The following UNC5A variants were observed in gnomAD, a reference collection of about 807,000 sequenced individuals.
UNC5A encodes netrin receptor UNC5A.
In UNC5A, 20 loss-of-function variants were observed where a neutral mutation model predicts 87.4. The ratio of observed to expected loss-of-function variants is 0.23; its 90% confidence interval spans 0.16 to 0.33. The LOEUF is 0.33. UNC5A is among the 10% of genes least tolerant of loss of function. The pLI is 1.00. For missense variants in UNC5A, 844 were observed against 1,133.4 expected (o/e 0.74, Z 3.67); for synonymous variants, 438 against 482.3 (o/e 0.91, Z 1.20).
intron 1 of UNC5A, among the ~76,000 whole-genome samples, chr5:176,843,994 A>T (rs1757341837): frequency 6.6e-6 from 1 of 152,270 alleles, no homozygotes; most frequent in African/African-American, 2.4e-5. Context: ...AAAGTTTGTT[A>T]TGAATTATTC....
chr5:176,855,097 A>T (rs1381874972), intron 1 of UNC5A, among the ~76,000 whole-genome samples: 1 of 152,268 alleles, frequency 6.6e-6, no homozygotes, highest in Non-Finnish European at 1.5e-5. Context: ...CTGTGCCTCC[A>T]GGTCCATGGG....
rs920200200 is a variant in UNC5A at position 176,810,855 on chromosome 5, C to A, written c.70+35C>A. 18 of 1,218,424 alleles carry A rather than the reference C, an allele frequency of 1.5e-5. No homozygotes were observed. Among genetic ancestry groups the A allele is most frequent in the Non-Finnish European group, 1.7e-5 (17 of 978,968 alleles). The allele number at this position is 1,218,424 out of a possible 1,614,324, so 75.5% of individuals were successfully genotyped here. On this transcript the variant is annotated intron_variant, in intron 1 of 14. Transcript: ENST00000329542. This position sits in a 1 kb window ranked among gnomAD's most constrained non-coding sequence, Gnocchi z 7.3. The stretch of plus-strand genomic sequence containing the variant: ...GCCGCGCGCGCTCTGGGGAGGCTTG[C>A]GGGGGACCGTGCGCGCGAACGCTCG...
intron 1 of UNC5A, among the ~76,000 whole-genome samples, chr5:176,836,692 C>G (rs1757154642): frequency 6.6e-6 from 1 of 152,188 alleles, no homozygotes; most frequent in Admixed American, 6.5e-5. Context: ...GGCTCCTTCA[C>G]TATGCCCCAG....
rs1757279665 is a variant in UNC5A, at chr5:176,841,676, C to G, written c.71-20948C>G. On this transcript the variant is annotated intron_variant, in intron 1 of 14. Coordinates refer to ENST00000329542, the MANE Select transcript of UNC5A (RefSeq NM_133369.3). This position sits in a 1 kb window ranked among gnomAD's most constrained non-coding sequence, Gnocchi z 4.1. ...TACCATATGCCCCAGCAATCCCTCT[C>G]TCTAGAGAAGTCCCACTCCCAAGAG... Among the ~76,000 whole-genome samples, 1 of 152,232 alleles carries G rather than the reference C, an allele frequency of 6.6e-6. No individual in the cohort carries two copies. Among genetic ancestry groups the G allele is most frequent in the Admixed American group, 6.5e-5 (1 of 15,278 alleles).
chr5:176,834,770 C>T (rs1325621830), intron 1 of UNC5A, among the ~76,000 whole-genome samples: 4 of 151,696 alleles, frequency 2.6e-5, no homozygotes, highest in African/African-American at 7.3e-5. Context: ...TTCCCTGGGT[C>T]GCTGCAGGAG....
chr5:176,836,231 G>A (rs1757146170), intron 1 of UNC5A, among the ~76,000 whole-genome samples: 2 of 152,214 alleles, frequency 1.3e-5, no homozygotes, highest in Non-Finnish European at 2.9e-5. Context: ...GGCTGGACAT[G>A]ATGCGAAGGG....
Position 176,879,829 on chromosome 5 carries a change from GGCTGGACTGGGCCAGCCAGAC to G in UNC5A, c.2478_2498del (p.Gly828_Leu834del). The G allele has an allele frequency of 6.2e-7, 1 of 1,612,562 alleles. No homozygotes were observed. The highest frequency in any genetic ancestry group is 8.5e-7 in the Non-Finnish European group (1 of 1,179,804). On this transcript the variant is annotated inframe_deletion, in exon 15 of 15. Coordinates refer to ENST00000329542, the MANE Select transcript of UNC5A (RefSeq NM_133369.3). ...ACCTCAGCCAGCTGGCTGCAGCAGT[GGCTGGACTGGGCCAGCCAGAC>G]GCTGGCCTCTTCACAGTGTCGGAGG...
chr5:176,830,865 T>C (rs367885064), intron 1 of UNC5A, among the ~76,000 whole-genome samples: 18 of 146,580 alleles, frequency 1.2e-4, no homozygotes, highest in South Asian at 2.3e-4. Flanking sequence ...CGTGTGTGTG[T>C]GCGCTGGTGT....
At chr5:176,819,263 C>T (rs1561637973) in intron 1 of UNC5A, among the ~76,000 whole-genome samples, 1 of 152,178 alleles carries the variant, frequency 6.6e-6, no homozygotes, top group Non-Finnish European at 1.5e-5. Context: ...GCCTCCTCAG[C>T]CCTGGGAGCT....
chr5:176,841,231 A>T lies in UNC5A; in HGVS notation c.71-21393A>T, dbSNP rs1375713384. Reference sequence around the variant, plus strand: ...CTAATTTATTTCCTTTGAGCCACAGAGCTGCTCAGTGACACAGGTGATTGT... The same window carrying T: ...CTAATTTATTTCCTTTGAGCCACAGTGCTGCTCAGTGACACAGGTGATTGT... On this transcript the variant is annotated intron_variant, in intron 1 of 14. Coordinates refer to ENST00000329542, the MANE Select transcript of UNC5A (RefSeq NM_133369.3). The surrounding 1 kb of genome is among the most constrained non-coding windows in gnomAD (Gnocchi z 4.1). 6.6e-6 allele frequency among the ~76,000 whole-genome samples: 1 copy of T among 152,198 alleles called. No homozygotes were observed. Among genetic ancestry groups the T allele is most frequent in the Non-Finnish European group, 1.5e-5 (1 of 68,032 alleles).
intron 1 of UNC5A, among the ~76,000 whole-genome samples, chr5:176,858,772 A>AAGGAAGGAAGGAAGGCAGGCAGGC (rs1304121118): frequency 5.0e-5 from 7 of 140,224 alleles, no homozygotes; most frequent in African/African-American, 1.7e-4. Context: ...GGAAGGAAGG[A>AAGGAAGGAAGGAAGGCAGGCAGGC]AGGCAAGCAA....
At chr5:176,845,310 C>A (rs528508381) in intron 1 of UNC5A, among the ~76,000 whole-genome samples, 1 of 152,366 alleles carries the variant, frequency 6.6e-6, no homozygotes, top group South Asian at 2.1e-4. Context: ...TGCTTCCCCA[C>A]GCTCAGTGTC....
At position 176,824,021 on chromosome 5, in the gene UNC5A, C is replaced by G. The variant is rs1253792680; in HGVS notation, c.70+13201C>G. ...CCTCTCCCTGGAGAAAGCACCTGTC[C>G]CAGCTGGCGAATGGTCCCGGAGATC... On this transcript the variant is annotated intron_variant, in intron 1 of 14. Coordinates refer to ENST00000329542, the MANE Select transcript of UNC5A (RefSeq NM_133369.3). This position sits in a 1 kb window ranked among gnomAD's most constrained non-coding sequence, Gnocchi z 4.2. Among the ~76,000 whole-genome samples the G allele has an allele frequency of 6.6e-6, 1 of 152,224 alleles. No individual in the cohort carries two copies. The highest frequency in any genetic ancestry group is 1.9e-4 in the East Asian group (1 of 5,184).
chr5:176,851,198 G>C (rs1359791912), intron 1 of UNC5A, among the ~76,000 whole-genome samples: 1 of 152,234 alleles, frequency 6.6e-6, no homozygotes, highest in Non-Finnish European at 1.5e-5. Flanking sequence ...TTTCTTCATT[G>C]GTAATTCAAA....
chr5:176,873,272 G>T (rs1758176492), intron 6 of UNC5A, among the ~76,000 whole-genome samples: 1 of 152,064 alleles, frequency 6.6e-6, no homozygotes. Context: ...GGCTTGTGAG[G>T]GCTGTTAATT....
rs1356658743 is a variant in UNC5A, at chr5:176,865,585, G to A, written c.293-2545G>A. On this transcript the variant is annotated intron_variant, in intron 2 of 14. Coordinates refer to ENST00000329542, the MANE Select transcript of UNC5A (RefSeq NM_133369.3). This position sits in a 1 kb window ranked among gnomAD's most constrained non-coding sequence, Gnocchi z 5.3. Reference sequence around the variant, plus strand: ...CATCTGAACGTTCATTGATCTCATCGATTTCTCAACCCAAAGCCATCGAGT... The same window carrying A: ...CATCTGAACGTTCATTGATCTCATCAATTTCTCAACCCAAAGCCATCGAGT... The A allele has an allele frequency of 1.3e-5, 6 of 456,812 alleles. No individual in the cohort carries two copies. Among genetic ancestry groups the A allele is most frequent in the Non-Finnish European group, 2.6e-5 (6 of 227,040 alleles). 28.3% of individuals were successfully genotyped at this position (456,812 alleles called of 1,614,324 possible). A position where few individuals can be genotyped will look rare whatever the true frequency, so the allele number is the denominator to read the frequency against.
intron 1 of UNC5A, among the ~76,000 whole-genome samples, chr5:176,826,307 A>G (rs548122178): frequency 1.3e-5 from 2 of 152,254 alleles, no homozygotes; most frequent in African/African-American, 4.8e-5. Context: ...CTGGGCTATC[A>G]TGGAGCGGAT....
chr5:176,812,900 G>A (rs1057144689), intron 1 of UNC5A, among the ~76,000 whole-genome samples: 29 of 152,168 alleles, frequency 1.9e-4, no homozygotes, highest in Non-Finnish European at 4.4e-5. Flanking sequence ...TGGCCCTGCC[G>A]TGACCCGGGC....
Position 176,862,634 on chromosome 5 carries a change from G to C in UNC5A, c.81G>C (p.Gln27His), listed in dbSNP as rs537369748. The change falls in exon 2 of 15, where the codon CAG (glutamine) becomes CAC (histidine). Residue 27 changes from glutamine to histidine, a missense_variant. Physicochemically the swap from Gln to His is conservative, Grantham distance 24. This residue lies in a region of UNC5A where 314 missense variants were observed against 466.5 expected (regional missense o/e 0.67). Transcript: ENST00000329542. ...AAWLRGSGAQ[Q>H]SATVANPVPG... ...TCTGCCCTGCCGCAGGTGCCCAGCAGAGTGCCACCGTGGCCAACCCAGTGC... is the reference window on the plus strand; with the variant it reads ...TCTGCCCTGCCGCAGGTGCCCAGCACAGTGCCACCGTGGCCAACCCAGTGC... 1.4e-5 allele frequency: 22 copies of C among 1,613,366 alleles called. No individual in the cohort carries two copies. The African/African-American group carries it at 2.8e-4, about 21-fold the overall frequency.
Sources: gnomAD v4.1 joint callset for allele counts (sites outside exome capture counted in the v4.1 genomes callset) on GRCh38, gnomAD v4.1.1 for gene constraint, gnomAD v4.1.1 regional missense constraint, Gnocchi (gnomAD v3.1) non-coding constraint, MANE v1.5 for transcripts, NCBI Gene and HGNC (gene_info 2026-07-23, HGNC 2026-07-21) for gene names.